PCDH11X: variants seen among roughly 807,000 people sequenced by gnomAD.
PCDH11X encodes protocadherin-11 X-linked.
Under a neutral mutation model 53.3 loss-of-function variants are expected in PCDH11X, and 18 were observed. The observed-to-expected ratio is 0.34, with a 90% CI of 0.23 to 0.50. The LOEUF (loss-of-function observed/expected upper bound fraction) is 0.50. Among genes scored for constraint, PCDH11X ranks in the 20% least tolerant of loss-of-function variants. The pLI, the probability that PCDH11X is intolerant of heterozygous loss-of-function variation, is 0.98. For missense variants in PCDH11X, 570 were observed against 1,032.4 expected (o/e 0.55, Z 6.14); for synonymous variants, 279 against 393.3 (o/e 0.71, Z 3.44).
chrX:92,592,391 C>T (rs916040899), intron 10 of PCDH11X, among the ~76,000 whole-genome samples: 3 of 109,674 alleles, frequency 2.7e-5, no homozygotes, highest in Non-Finnish European at 5.7e-5. Context: ...CTAAGCTGTC[C>T]CCTTAGTAAT....
intron 10 of PCDH11X, among the ~76,000 whole-genome samples, chrX:92,552,205 G>T (rs2074970861): frequency 1.3e-5 from 1 of 78,596 alleles, no homozygotes; most frequent in Non-Finnish European, 2.7e-5. Flanking sequence ...CAATTTTTTG[G>T]TGTCCTCCTC....
At chrX:92,090,100 A>G (rs904591739) in intron 6 of PCDH11X, among the ~76,000 whole-genome samples, 3 of 110,891 alleles carry the variant, frequency 2.7e-5, no homozygotes, top group African/African-American at 9.8e-5. Context: ...TAACTTTTCT[A>G]CAGTCTACAT....
At chrX:92,089,495 C>A (rs2476090) in intron 6 of PCDH11X, among the ~76,000 whole-genome samples, 6 of 111,728 alleles carry the variant, frequency 5.4e-5, no homozygotes, top group Admixed American at 9.5e-5. Context: ...GAGAATGGGG[C>A]CATAACTACC....
intron 6 of PCDH11X, among the ~76,000 whole-genome samples, chrX:91,912,217 G>T (rs1941394789): frequency 9.0e-6 from 1 of 111,105 alleles, no homozygotes; most frequent in Non-Finnish European, 1.9e-5. Context: ...CATACCATCT[G>T]CAAACAGGGA....
intron 10 of PCDH11X, among the ~76,000 whole-genome samples, chrX:92,473,284 C>A (rs991882467): frequency 2.7e-5 from 3 of 109,610 alleles, no homozygotes; most frequent in Non-Finnish European, 5.7e-5. Context: ...CTTTTGAATT[C>A]CTGTGGTATC....
chrX:92,203,061 A>C (rs1354867413), intron 7 of PCDH11X, among the ~76,000 whole-genome samples: 1 of 111,858 alleles, frequency 8.9e-6, no homozygotes, highest in East Asian at 2.8e-4. Context: ...ATGTCCAGAC[A>C]TTAATATTTG....
At chrX:91,902,222 A>C (rs1368394179) in intron 6 of PCDH11X, among the ~76,000 whole-genome samples, 1 of 110,198 alleles carries the variant, frequency 9.1e-6, no homozygotes, top group Non-Finnish European at 1.9e-5. Context: ...CACTTCCTCA[A>C]TTCCCAATTG....
rs759408858 is a variant in PCDH11X at position 91,926,224 on chromosome X, C to T, written c.3033+46951C>T. Among the ~76,000 whole-genome samples, 116 of 108,800 alleles carry T rather than the reference C, an allele frequency of 1.1e-3. 1 individual carries two copies. The highest frequency in any genetic ancestry group is 1.8e-3 in the Non-Finnish European group (93 of 52,373). 94.5% of individuals were successfully genotyped at this position (108,800 alleles called of 115,157 possible). A position where few individuals can be genotyped will look rare whatever the true frequency, so the allele number is the denominator to read the frequency against. On this transcript the variant is annotated intron_variant, in intron 6 of 10. Coordinates refer to ENST00000682573, the MANE Select transcript of PCDH11X (RefSeq NM_032968.5). ...CAGCAGAGTGGATAACCAAGAGAAA[C>T]AATGATACTAATAAAATCTGTAGGC...
intron 6 of PCDH11X, among the ~76,000 whole-genome samples, chrX:91,927,771 AG>A (rs957055854): frequency 9.0e-6 from 1 of 111,467 alleles, no homozygotes; most frequent in Non-Finnish European, 1.9e-5. Flanking sequence ...ATAGGGAAGC[AG>A]GGGAAAAAAA....
chrX:92,359,412 C>A (rs2070293246), intron 8 of PCDH11X, among the ~76,000 whole-genome samples: 1 of 107,774 alleles, frequency 9.3e-6, no homozygotes, highest in African/African-American at 3.4e-5. Flanking sequence ...TCCCTTGGTA[C>A]ATGCACACAA....
intron 6 of PCDH11X, among the ~76,000 whole-genome samples, chrX:91,969,708 G>A (rs2061921118): frequency 9.3e-6 from 1 of 107,332 alleles, no homozygotes; most frequent in Admixed American, 1.0e-4. Context: ...GAAGTGGAAG[G>A]ATCACTTGAG....
chrX:92,391,275 G>A (rs1349337142), intron 9 of PCDH11X, among the ~76,000 whole-genome samples: 1 of 109,510 alleles, frequency 9.1e-6, no homozygotes, highest in African/African-American at 3.3e-5. Flanking sequence ...ATTGATTGCT[G>A]CTGGGTTACT....
At chrX:92,377,139 T>A (rs2070770808) in intron 8 of PCDH11X, among the ~76,000 whole-genome samples, 2 of 111,825 alleles carry the variant, frequency 1.8e-5, no homozygotes, top group African/African-American at 6.5e-5. Flanking sequence ...AATTGTAAAA[T>A]ATGACCTACT....
chrX:92,366,219 G>C (rs898170140), intron 8 of PCDH11X, among the ~76,000 whole-genome samples: 14 of 111,637 alleles, frequency 1.3e-4, no homozygotes, highest in Non-Finnish European at 2.4e-4. Flanking sequence ...TCTTGGGAGG[G>C]TGTATGTGTC....
At chrX:92,435,385 A>G (rs2072346698) in intron 9 of PCDH11X, among the ~76,000 whole-genome samples, 1 of 110,742 alleles carries the variant, frequency 9.0e-6, no homozygotes, top group Non-Finnish European at 1.9e-5. Flanking sequence ...ATTCATAAAA[A>G]TTTCCCCAAT....
intron 6 of PCDH11X, among the ~76,000 whole-genome samples, chrX:92,108,006 T>G (rs2064423202): frequency 2.7e-5 from 3 of 111,943 alleles, no homozygotes; most frequent in African/African-American, 9.7e-5. Context: ...AAAGAAAAAA[T>G]ATAGTTCTGA....
intron 6 of PCDH11X, among the ~76,000 whole-genome samples, chrX:92,091,594 AT>A (rs1333873920): frequency 9.0e-6 from 1 of 111,422 alleles, no homozygotes; most frequent in Admixed American, 9.6e-5. Flanking sequence ...CATTAATCAA[AT>A]ACATTTAAGA....
intron 8 of PCDH11X, among the ~76,000 whole-genome samples, chrX:92,375,399 T>C (rs1304063769): frequency 1.0e-5 from 1 of 99,594 alleles, no homozygotes; most frequent in Non-Finnish European, 2.0e-5. Flanking sequence ...AGGATGGTCT[T>C]GATCTCCTGA....
At position 92,545,387 on chromosome X, in the gene PCDH11X, C is replaced by CTT. The variant is rs566573698; in HGVS notation, c.3368-72852_3368-72851dup. ...ATCATTGACTTCGAAGGTTAAATTC[C>CTT]TTTTTTTTTTTTTTTTTTTTTTTTT... On this transcript the variant is annotated intron_variant, in intron 10 of 10. Transcript: ENST00000682573. 1.4e-3 allele frequency among the ~76,000 whole-genome samples: 91 copies of CTT among 66,042 alleles called. 4 individuals are homozygous for CTT. The highest frequency in any genetic ancestry group is 4.5e-3 in the African/African-American group (73 of 16,374). The allele number at this position is 66,042 out of a possible 115,157, so 57.3% of individuals were successfully genotyped here.
Sources: gnomAD v4.1 joint callset for allele counts (sites outside exome capture counted in the v4.1 genomes callset) on GRCh38, gnomAD v4.1.1 for gene constraint, MANE v1.5 for transcripts, NCBI Gene and HGNC (gene_info 2026-07-23, HGNC 2026-07-21) for gene names.